Variants in PCLO observed in about 807,000 individuals in gnomAD.
PCLO encodes the protein protein piccolo.
Under a neutral mutation model 427.5 loss-of-function variants are expected in PCLO, and 82 were observed. That is an observed-to-expected ratio of 0.19 (90% CI 0.16 to 0.23). PCLO has a LOEUF of 0.23. Ranked by LOEUF, PCLO falls within the 10% of genes least tolerant of loss-of-function variation. PCLO has a pLI of 1.00. For synonymous variants in PCLO, 2,357 were observed against 2,155.4 expected, an observed-to-expected ratio of 1.09 and a Z score of -2.59; for missense variants, 6,239 against 6,115.9, an observed-to-expected ratio of 1.02 and a Z score of -0.67.
At chr7:82,998,588 G>T (rs1429586845) in intron 3 of PCLO, among the ~76,000 whole-genome samples, 1 of 151,810 alleles carries the variant, frequency 6.6e-6, no homozygotes, top group African/African-American at 2.4e-5. Flanking sequence ...CCCATATAAA[G>T]GAGAGAATGT....
At chr7:83,130,952 T>G (rs1584064325) in intron 3 of PCLO, among the ~76,000 whole-genome samples, 1 of 152,216 alleles carries the variant, frequency 6.6e-6, no homozygotes, top group African/African-American at 2.4e-5. Flanking sequence ...ATTATTTTCA[T>G]AGTAAAAAAG....
chr7:82,918,985 A>G (rs1794533367), intron 6 of PCLO, among the ~76,000 whole-genome samples: 1 of 152,078 alleles, frequency 6.6e-6, no homozygotes, highest in African/African-American at 2.4e-5. Flanking sequence ...CCAGCTTAGA[A>G]GCTATATTTG....
chr7:82,931,587 G>A (rs1794841017), intron 6 of PCLO, among the ~76,000 whole-genome samples: 1 of 152,088 alleles, frequency 6.6e-6, no homozygotes, highest in Non-Finnish European at 1.5e-5. Context: ...TTGGACACGG[G>A]AGGCCTGTTG....
rs527724770 is a variant in PCLO at position 82,825,744 on chromosome 7, T to C, written c.14415+845A>G. Among the ~76,000 whole-genome samples the C allele has an allele frequency of 2.9e-5, 4 of 137,240 alleles. No individual in the cohort carries two copies. The South Asian group carries it at 1.0e-3, about 36-fold the overall frequency. 90.0% of individuals were successfully genotyped at this position (137,240 alleles called of 152,430 possible). A position where few individuals can be genotyped will look rare whatever the true frequency, so the allele number is the denominator to read the frequency against. ...TACACTGTATAGTATATATTATACA[T>C]TGTATATAGACATATATACATTGTA... On this transcript the variant is annotated intron_variant, in intron 18 of 24. Transcript: ENST00000333891.
intron 6 of PCLO, among the ~76,000 whole-genome samples, chr7:82,947,252 A>T (rs1021880852): frequency 3.3e-5 from 5 of 152,118 alleles, no homozygotes; most frequent in Non-Finnish European, 2.9e-5. Flanking sequence ...TATAAAACTT[A>T]TCTTTTACAG....
At chr7:82,940,755 C>CTTTTTTTTTTT (rs71531190) in intron 6 of PCLO, among the ~76,000 whole-genome samples, 6 of 109,138 alleles carry the variant, frequency 5.5e-5, no homozygotes, top group Non-Finnish European at 1.1e-4. Context: ...TTTTTTCTTT[C>CTTTTTTTTTTT]TTTTTTTTTT....
chr7:83,092,946 CAAAA>C (rs10684707), intron 3 of PCLO, among the ~76,000 whole-genome samples: 3 of 89,656 alleles, frequency 3.3e-5, no homozygotes, highest in Admixed American at 1.3e-4. Flanking sequence ...GACTCTGTCT[CAAAA>C]AAAAAAAAAA....
rs757742563 is a variant in PCLO at position 83,134,372 on chromosome 7, G to C, written c.3178C>G (p.Pro1060Ala). Residue 1060 changes from proline (P) to alanine (A), a missense_variant, in exon 3 of 25, where the codon CCT becomes GCT. This residue lies in a region of PCLO where 4,677 missense variants were observed against 4,468.4 expected (regional missense o/e 1.05). Transcript: ENST00000333891. ...ATGTTGAGTTCAGTTTTGCAGAGAG[G>C]ACAGGTTGATTCTGGTTTGGGCGAT... ...EKSPKPESTC[P>A]LCKTELNIGS... 1.2e-6 allele frequency: 2 copies of C among 1,613,680 alleles called. No individual in the cohort carries two copies. The highest frequency in any genetic ancestry group is 2.2e-5 in the South Asian group (2 of 91,026).
chr7:82,950,846 G>T lies in PCLO; in HGVS notation c.9742C>A (p.Gln3248Lys). The T allele has an allele frequency of 1.2e-6, 2 of 1,613,564 alleles. No individual in the cohort carries two copies. The highest frequency in any genetic ancestry group is 1.7e-6 in the Non-Finnish European group (2 of 1,179,854). ...ERQEIQRFREQEKIMVQKKLE... is the reference protein window; with the variant it reads ...ERQEIQRFREKEKIMVQKKLE... The stretch of plus-strand genomic sequence containing the variant: ...TTTTTCTGAACCATGATCTTTTCTT[G>T]TTCTCGGAACCTTTGAATTTCCTGA... The change falls in exon 6 of 25, where the codon CAA (glutamine) becomes AAA (lysine). Residue 3248 changes from glutamine to lysine, a missense_variant. This residue lies in a region of PCLO where 4,677 missense variants were observed against 4,468.4 expected (regional missense o/e 1.05). Transcript: ENST00000333891.
At chr7:82,945,068 C>A (rs1795169440) in intron 6 of PCLO, among the ~76,000 whole-genome samples, 1 of 152,030 alleles carries the variant, frequency 6.6e-6, no homozygotes, top group Non-Finnish European at 1.5e-5. Context: ...ACCTAGGGAG[C>A]AAGCTTAAAC....
chr7:82,822,541 G>A lies in PCLO; in HGVS notation c.14745C>T (p.Ala4915=). ...GCACGGCAGCTTCGGCAGCAGCTAT[G>A]GCAGCCCCTGCATCTTCCAGGTGGG... ...TQTHLEDAGA[A]IAAAEAAVQQ... is the part of the protein sequence containing the mutation. The change falls in exon 20 of 25, where the codon GCC becomes GCT. Residue 4915 remains alanine (A), a synonymous_variant. Coordinates refer to ENST00000333891, the MANE Select transcript of PCLO (RefSeq NM_033026.6). The A allele has an allele frequency of 6.2e-7, 1 of 1,613,870 alleles. No homozygotes were observed. The highest frequency in any genetic ancestry group is 8.5e-7 in the Non-Finnish European group (1 of 1,179,854).
intron 20 of PCLO, among the ~76,000 whole-genome samples, chr7:82,808,908 T>G (rs1222093143): frequency 6.6e-6 from 1 of 151,914 alleles, no homozygotes; most frequent in Non-Finnish European, 1.5e-5. Flanking sequence ...ACAGATCTTT[T>G]CTTCTTGCTG....
At chr7:83,027,839 G>C (rs1432938117) in intron 3 of PCLO, among the ~76,000 whole-genome samples, 1 of 112,066 alleles carries the variant, frequency 8.9e-6, no homozygotes, top group African/African-American at 3.2e-5. Context: ...CATATAAACA[G>C]AGCCAAAGAC....
intron 10 of PCLO, among the ~76,000 whole-genome samples, chr7:82,860,698 C>T (rs890818317): frequency 1.3e-5 from 2 of 151,906 alleles, no homozygotes; most frequent in Non-Finnish European, 2.9e-5. Flanking sequence ...GTAAACTACT[C>T]TTATCCTAGG....
chr7:82,953,678 TGGGGGAGGAG>T lies in PCLO; in HGVS notation c.7265_7274del (p.Pro2422HisfsTer19). 1 of 978,570 alleles carries T rather than the reference TGGGGGAGGAG, an allele frequency of 1.0e-6. No individual in the cohort carries two copies. The highest frequency in any genetic ancestry group is 1.3e-6 in the Non-Finnish European group (1 of 748,936). The allele number at this position is 978,570 out of a possible 1,614,324, so 60.6% of individuals were successfully genotyped here. On this transcript the variant is annotated frameshift_variant, in exon 5 of 25. Coordinates refer to ENST00000333891, the MANE Select transcript of PCLO (RefSeq NM_033026.6). LOFTEE classifies it high-confidence loss of function. ...TAGGTGAAGTTGGTGGAGGAAGTGG[TGGGGGAGGAG>T]GGGGTGGTGGTGGAGGAGGAGGAGG... is the stretch of plus-strand genomic sequence containing the variant.
At chr7:82,981,751 G>A (rs1055912646) in intron 3 of PCLO, among the ~76,000 whole-genome samples, 4 of 151,946 alleles carry the variant, frequency 2.6e-5, no homozygotes, top group East Asian at 1.9e-4. Flanking sequence ...TCATCTTTAC[G>A]TAATAAGAAT....
chr7:82,966,690 T>G (rs2115667157), intron 3 of PCLO, among the ~76,000 whole-genome samples: 1 of 152,258 alleles, frequency 6.6e-6, no homozygotes, highest in South Asian at 2.1e-4. Context: ...CTGTATAGAA[T>G]TTCTAGAGAC....
At chr7:83,039,025 C>T (rs188793413) in intron 3 of PCLO, among the ~76,000 whole-genome samples, 2 of 151,888 alleles carry the variant, frequency 1.3e-5, no homozygotes, top group Non-Finnish European at 2.9e-5. Context: ...TTTATTTTCT[C>T]TGGAGAAATG....
intron 22 of PCLO, among the ~76,000 whole-genome samples, chr7:82,770,550 A>T (rs1464146223): frequency 1.4e-5 from 2 of 144,870 alleles, no homozygotes; most frequent in Admixed American, 1.4e-4. Context: ...AGAAATTTCT[A>T]AAAAAAAAAG....
Sources: gnomAD v4.1 joint callset for allele counts (sites outside exome capture counted in the v4.1 genomes callset) on GRCh38, gnomAD v4.1.1 for gene constraint, gnomAD v4.1.1 regional missense constraint, MANE v1.5 for transcripts, NCBI Gene and HGNC (gene_info 2026-07-23, HGNC 2026-07-21) for gene names.